MRTFA: variants seen among roughly 807,000 people sequenced by gnomAD.
MRTFA encodes the protein myocardin-related transcription factor A.
In MRTFA, 20 loss-of-function variants were observed where a neutral mutation model predicts 83.5. That is an observed-to-expected ratio of 0.24 (90% confidence interval 0.17 to 0.35). MRTFA has a LOEUF of 0.35. MRTFA is among the 10% of genes least tolerant of loss of function. The pLI is 1.00. For missense variants in MRTFA, 1,200 were observed against 1,224.7 expected (o/e 0.98, Z 0.30); for synonymous variants, 659 against 541.2 (o/e 1.22, Z -3.02).
intron 1 of MRTFA, among the ~76,000 whole-genome samples, chr22:40,624,743 C>T (rs1431412792): frequency 2.0e-5 from 3 of 152,158 alleles, no homozygotes; most frequent in Non-Finnish European, 2.9e-5. Flanking sequence ...ATTAACTCAG[C>T]GTTATTTGGG....
chr22:40,457,021 A>G (rs2053596636), intron 4 of MRTFA, among the ~76,000 whole-genome samples: 1 of 152,220 alleles, frequency 6.6e-6, no homozygotes. Context: ...TATTTGGTGA[A>G]GAATAATGTA....
intron 3 of MRTFA, among the ~76,000 whole-genome samples, chr22:40,482,306 ATAT>A (rs1359223339): frequency 6.6e-6 from 1 of 152,142 alleles, no homozygotes; most frequent in Admixed American, 6.5e-5. Context: ...CATAATAAAA[ATAT>A]TAATAACTAT....
chr22:40,435,122 T>C lies in MRTFA; in HGVS notation c.363+377A>G, dbSNP rs17001902. 6.9e-3 allele frequency among the ~76,000 whole-genome samples: 1,046 copies of C among 152,314 alleles called. 11 individuals are homozygous for C. Among genetic ancestry groups the C allele is most frequent in the African/African-American group, 0.024 (1,005 of 41,564 alleles). On this transcript the variant is annotated intron_variant, in intron 5 of 14. Coordinates refer to ENST00000355630, the MANE Select transcript of MRTFA (RefSeq NM_020831.6). ...ACCCCGGACTTGGGAAGCTTTTCCATTGGCTAATGTTTGTGTCCCAACATC... is the reference window on the plus strand; with the variant it reads ...ACCCCGGACTTGGGAAGCTTTTCCACTGGCTAATGTTTGTGTCCCAACATC...
At chr22:40,576,810 G>C (rs908597539) in intron 2 of MRTFA, among the ~76,000 whole-genome samples, 1 of 152,158 alleles carries the variant, frequency 6.6e-6, no homozygotes, top group African/African-American at 2.4e-5. Context: ...GCCGGGCATG[G>C]TGGCTCACAC....
chr22:40,611,104 A>AT (rs1395892775), intron 1 of MRTFA, among the ~76,000 whole-genome samples: 4 of 151,436 alleles, frequency 2.6e-5, no homozygotes, highest in Non-Finnish European at 2.9e-5. Context: ...CGCCCGGCCG[A>AT]TTTTTTGTAT....
intron 2 of MRTFA, among the ~76,000 whole-genome samples, chr22:40,591,129 G>A (rs767754613): frequency 1.3e-5 from 2 of 151,948 alleles, no homozygotes; most frequent in African/African-American, 2.4e-5. Context: ...GCGAGACTCC[G>A]TCTCAAAATA....
At chr22:40,574,442 T>TA (rs201849545) in intron 2 of MRTFA, among the ~76,000 whole-genome samples, 2 of 149,238 alleles carry the variant, frequency 1.3e-5, no homozygotes, top group Non-Finnish European at 3.0e-5. Flanking sequence ...TTATTATTAT[T>TA]TTTTTTTTTT....
intron 3 of MRTFA, among the ~76,000 whole-genome samples, chr22:40,512,021 G>A (rs1002734039): frequency 1.3e-5 from 2 of 152,184 alleles, no homozygotes; most frequent in African/African-American, 2.4e-5. Flanking sequence ...AGGGAACATA[G>A]AACAGGTGAG....
chr22:40,600,919 G>A (rs2147394985), intron 1 of MRTFA, among the ~76,000 whole-genome samples: 1 of 152,272 alleles, frequency 6.6e-6, no homozygotes, highest in African/African-American at 2.4e-5. Flanking sequence ...AGGTTGCAGT[G>A]AGCCAAGATT....
intron 1 of MRTFA, among the ~76,000 whole-genome samples, chr22:40,596,835 A>C (rs1321758807): frequency 6.6e-6 from 1 of 151,852 alleles, no homozygotes; most frequent in African/African-American, 2.4e-5. Flanking sequence ...AATAGCTCGG[A>C]GTGGTGGTAC....
Position 40,552,094 on chromosome 22 carries a change from G to T in MRTFA, c.241+12C>A. The T allele has an allele frequency of 2.5e-6, 1 of 398,514 alleles. No individual in the cohort carries two copies. Among genetic ancestry groups the T allele is most frequent in the Non-Finnish European group, 4.4e-6 (1 of 225,924 alleles). 24.7% of individuals were successfully genotyped at this position (398,514 alleles called of 1,614,324 possible). On this transcript the variant is annotated intron_variant, in intron 3 of 14. Coordinates refer to ENST00000355630, the MANE Select transcript of MRTFA (RefSeq NM_020831.6). ...TCAAATCAGGGAATGCAATAATTCT[G>T]TATCTACTCACCATTCTTCCGCTCA...
rs1602520114 is a variant in MRTFA at position 40,634,053 on chromosome 22, T to C, written c.-84+2425A>G. Among the ~76,000 whole-genome samples the C allele has an allele frequency of 2.0e-5, 3 of 152,216 alleles. No individual in the cohort carries two copies. The East Asian group carries it at 5.8e-4, about 29-fold the overall frequency. On this transcript the variant is annotated intron_variant, in intron 1 of 14. Coordinates refer to ENST00000355630, the MANE Select transcript of MRTFA (RefSeq NM_020831.6). ...CAAGGAATGTTAGTTTCCTTCTCCCTTCCTGGGGCTTATAACTGGTATATC... is the reference window on the plus strand; with the variant it reads ...CAAGGAATGTTAGTTTCCTTCTCCCCTCCTGGGGCTTATAACTGGTATATC...
At chr22:40,487,171 GTA>G (rs2054187428) in intron 3 of MRTFA, among the ~76,000 whole-genome samples, 1 of 152,162 alleles carries the variant, frequency 6.6e-6, no homozygotes, top group South Asian at 2.1e-4. Context: ...ACCTCTCAGT[GTA>G]TGCAGCCTTG....
intron 3 of MRTFA, among the ~76,000 whole-genome samples, chr22:40,550,586 C>G (rs1352240146): frequency 6.6e-6 from 1 of 152,094 alleles, no homozygotes; most frequent in Non-Finnish European, 1.5e-5. Context: ...CTTTAACTTA[C>G]AAGGAAAATG....
At chr22:40,506,527 A>G (rs541848198) in intron 3 of MRTFA, among the ~76,000 whole-genome samples, 1 of 152,328 alleles carries the variant, frequency 6.6e-6, no homozygotes, top group African/African-American at 2.4e-5. Flanking sequence ...TTTATCCCCA[A>G]TATCTTACAA....
At chr22:40,497,849 C>T (rs1205918446) in intron 3 of MRTFA, among the ~76,000 whole-genome samples, 1 of 150,848 alleles carries the variant, frequency 6.6e-6, no homozygotes, top group African/African-American at 2.4e-5. Flanking sequence ...TAAGATGTAC[C>T]TTGGCCGGGC....
chr22:40,574,364 C>A (rs1284742191), intron 2 of MRTFA, among the ~76,000 whole-genome samples: 1 of 152,068 alleles, frequency 6.6e-6, no homozygotes, highest in Non-Finnish European at 1.5e-5. Flanking sequence ...TACAGACTTT[C>A]TGTTCTTACC....
At chr22:40,611,237 C>A (rs1044376023) in intron 1 of MRTFA, among the ~76,000 whole-genome samples, 1 of 151,912 alleles carries the variant, frequency 6.6e-6, no homozygotes, top group South Asian at 2.1e-4. Flanking sequence ...CTGCGCCCAG[C>A]CTATTTTTAC....
intron 2 of MRTFA, 59 bp from the exon 3 acceptor site, chr22:40,552,426 G>A: frequency 7.6e-6 from 3 of 396,156 alleles, no homozygotes; most frequent in Non-Finnish European, 1.3e-5. Flanking sequence ...TGGTTTGGTG[G>A]TGTCCTCACC....
Sources: gnomAD v4.1 joint callset for allele counts (sites outside exome capture counted in the v4.1 genomes callset) on GRCh38, gnomAD v4.1.1 for gene constraint, MANE v1.5 for transcripts, NCBI Gene and HGNC (gene_info 2026-07-23, HGNC 2026-07-21) for gene names.